Variants in GAS2 observed in about 807,000 individuals in gnomAD.
GAS2 encodes the protein growth arrest specific 2.
GAS2 carries 20 observed loss-of-function variants against 37.5 expected under a neutral mutation model. The observed-to-expected ratio is 0.53, with a 90% confidence interval of 0.37 to 0.77. The LOEUF (loss-of-function observed/expected upper bound fraction) is 0.77, where lower values mean the gene tolerates loss of function less well. Among genes scored for constraint, GAS2 ranks in the 30% least tolerant of loss-of-function variants. The pLI, the probability that GAS2 is intolerant of heterozygous loss-of-function variation, is 0.00. For synonymous variants in GAS2, 144 were observed against 132.2 expected (o/e 1.09, Z -0.61); for missense variants, 336 against 373.4 (o/e 0.90, Z 0.82).
At chr11:22,640,875 A>G (rs1352446080) in intron 1 of GAS2, among the ~76,000 whole-genome samples, 1 of 152,184 alleles carries the variant, frequency 6.6e-6, no homozygotes, top group Non-Finnish European at 1.5e-5. Context: ...ATTAGCTAAG[A>G]AAAGGGGGCA....
At chr11:22,695,911 T>C (rs1850483468) in intron 3 of GAS2, among the ~76,000 whole-genome samples, 1 of 152,178 alleles carries the variant, frequency 6.6e-6, no homozygotes, top group Non-Finnish European at 1.5e-5. Flanking sequence ...CTATTCTTCC[T>C]ATGCAAATAT....
chr11:22,737,588 A>G (rs1852820824), intron 4 of GAS2, 117 bp from the exon 5 acceptor site: 3 of 897,492 alleles, frequency 3.3e-6, no homozygotes, highest in South Asian at 2.7e-5. Context: ...TGACTGTCAG[A>G]ATGAAGACTA....
At chr11:22,767,940 T>C (rs1389679067) in intron 7 of GAS2, among the ~76,000 whole-genome samples, 1 of 152,058 alleles carries the variant, frequency 6.6e-6, no homozygotes, top group African/African-American at 2.4e-5. Context: ...ACATTTTGAA[T>C]TTCACCACCT....
At chr11:22,784,300 TATC>T (rs1855720477) in intron 7 of GAS2, among the ~76,000 whole-genome samples, 2 of 152,182 alleles carry the variant, frequency 1.3e-5, no homozygotes, top group Non-Finnish European at 2.9e-5. Context: ...AAAGTAATGA[TATC>T]ATTTAAGGGT....
At chr11:22,751,592 C>T (rs1028074357) in intron 6 of GAS2, among the ~76,000 whole-genome samples, 5 of 151,948 alleles carry the variant, frequency 3.3e-5, no homozygotes, top group African/African-American at 1.2e-4. Context: ...TGGCCACATG[C>T]TCTGGAAATG....
Position 22,760,005 on chromosome 11 carries a change from CCA to C in GAS2, c.723+4053_723+4054del, listed in dbSNP as rs201791477. ...GATGGCTATGTTCTACCTAAGTACT[CCA>C]AGTTGGAGTGCAGTGCTGCGGCTCA... On this transcript the variant is annotated intron_variant, in intron 7 of 7. Coordinates refer to ENST00000454584, the MANE Select transcript of GAS2 (RefSeq NM_001143830.3). Among the ~76,000 whole-genome samples, 325 of 152,254 alleles carry C rather than the reference CCA, an allele frequency of 2.1e-3. 9 individuals carry two copies. In the East Asian group the frequency reaches 0.051, roughly 24 times the overall value.
chr11:22,765,002 A>G (rs1854611438), intron 7 of GAS2, among the ~76,000 whole-genome samples: 1 of 152,184 alleles, frequency 6.6e-6, no homozygotes. Flanking sequence ...TCAATGTACA[A>G]TTGCTTTTTC....
chr11:22,697,628 G>A (rs1249204506), intron 3 of GAS2, among the ~76,000 whole-genome samples: 1 of 152,026 alleles, frequency 6.6e-6, no homozygotes, highest in African/African-American at 2.4e-5. Flanking sequence ...ATTGAGCAGT[G>A]GTTTGTAGTT....
At chr11:22,789,303 T>TACACACACAC (rs201918939) in intron 7 of GAS2, among the ~76,000 whole-genome samples, 2 of 111,114 alleles carry the variant, frequency 1.8e-5, no homozygotes, top group African/African-American at 7.5e-5. Flanking sequence ...TATATATATA[T>TACACACACAC]ACACACACAC....
At chr11:22,760,992 A>G (rs776745627) in intron 7 of GAS2, among the ~76,000 whole-genome samples, 1 of 152,120 alleles carries the variant, frequency 6.6e-6, no homozygotes, top group Non-Finnish European at 1.5e-5. Flanking sequence ...TATTATTTAG[A>G]CTACAGAGAA....
At chr11:22,681,474 C>T (rs953546067) in intron 2 of GAS2, among the ~76,000 whole-genome samples, 2 of 152,174 alleles carry the variant, frequency 1.3e-5, no homozygotes, top group Non-Finnish European at 2.9e-5. Flanking sequence ...ACTATTACTT[C>T]TAAACTAGGA....
upstream of GAS2, among the ~76,000 whole-genome samples, chr11:22,663,356 A>G (rs1036283121): frequency 4.6e-5 from 7 of 152,056 alleles, no homozygotes; most frequent in African/African-American, 1.7e-4. Flanking sequence ...TAGAGCCTGA[A>G]GGTCAAGGCT....
upstream of GAS2, among the ~76,000 whole-genome samples, chr11:22,664,159 CA>C (rs1848948902): frequency 6.6e-6 from 1 of 151,934 alleles, no homozygotes; most frequent in African/African-American, 2.4e-5. Flanking sequence ...TTTATTTTAC[CA>C]AATTTAACCC....
intron 2 of GAS2, among the ~76,000 whole-genome samples, chr11:22,680,435 TC>T (rs1483356904): frequency 2.0e-5 from 3 of 152,124 alleles, no homozygotes; most frequent in African/African-American, 7.2e-5. Context: ...AACTTTTGTC[TC>T]AAAATACTGA....
At chr11:22,705,647 A>G (rs1264859866) in intron 3 of GAS2, among the ~76,000 whole-genome samples, 1 of 152,228 alleles carries the variant, frequency 6.6e-6, no homozygotes, top group Admixed American at 6.5e-5. Context: ...AACATACATT[A>G]CAATGAAAAC....
chr11:22,730,873 T>C (rs1852438278), intron 4 of GAS2, among the ~76,000 whole-genome samples: 1 of 151,788 alleles, frequency 6.6e-6, no homozygotes. Flanking sequence ...TTCCTAACAG[T>C]AAATTTAGTA....
chr11:22,797,867 G>A (rs1856503137), intron 7 of GAS2, among the ~76,000 whole-genome samples: 2 of 151,946 alleles, frequency 1.3e-5, no homozygotes, highest in East Asian at 1.9e-4. Context: ...TGTGGTTTTG[G>A]GGTTCATTCC....
intron 3 of GAS2, among the ~76,000 whole-genome samples, chr11:22,711,388 A>G (rs1851397724): frequency 6.6e-6 from 1 of 152,192 alleles, no homozygotes; most frequent in South Asian, 2.1e-4. Flanking sequence ...GGGAAAGGAA[A>G]GCAGCTGGTG....
intron 4 of GAS2, among the ~76,000 whole-genome samples, chr11:22,736,012 A>AT (rs1852737015): frequency 6.6e-6 from 1 of 151,394 alleles, no homozygotes; most frequent in Non-Finnish European, 1.5e-5. Flanking sequence ...GTTAAAAAAA[A>AT]AAAAAAGTCT....
Sources: gnomAD v4.1 joint callset for allele counts (sites outside exome capture counted in the v4.1 genomes callset) on GRCh38, gnomAD v4.1.1 for gene constraint, MANE v1.5 for transcripts, NCBI Gene and HGNC (gene_info 2026-07-23, HGNC 2026-07-21) for gene names.